The following CEP128 variants were observed in gnomAD, a reference collection of about 807,000 sequenced individuals.
CEP128 encodes centrosomal protein 128kDa.
In CEP128, 132 loss-of-function variants were observed where a neutral mutation model predicts 156.7. The observed-to-expected ratio is 0.84, with a 90% confidence interval of 0.73 to 0.97. CEP128 has a LOEUF of 0.97. Ranked by LOEUF, CEP128 falls within the 50% of genes least tolerant of loss-of-function variation. The pLI is 0.00. For missense variants in CEP128, 1,252 were observed against 1,281.9 expected, an observed-to-expected ratio of 0.98 and a Z score of 0.36; for synonymous variants, 469 against 448.9, an observed-to-expected ratio of 1.04 and a Z score of -0.57.
At chr14:80,636,560 C>G (rs1894188109) in intron 19 of CEP128, among the ~76,000 whole-genome samples, 1 of 152,162 alleles carries the variant, frequency 6.6e-6, no homozygotes, top group Admixed American at 6.5e-5. Flanking sequence ...GCAATGGCAC[C>G]ACACAGTCTT....
intron 21 of CEP128, among the ~76,000 whole-genome samples, chr14:80,540,428 C>T (rs961196619): frequency 1.3e-5 from 2 of 152,078 alleles, no homozygotes; most frequent in African/African-American, 4.8e-5. Flanking sequence ...GGGCCAAGGC[C>T]CTAAGGAGGG....
intron 19 of CEP128, among the ~76,000 whole-genome samples, chr14:80,720,563 C>G (rs1370778821): frequency 6.6e-6 from 1 of 152,122 alleles, no homozygotes; most frequent in Non-Finnish European, 1.5e-5. Context: ...ATAAAAATAT[C>G]CACATCAAAT....
At chr14:80,629,650 G>GTT (rs1893882368) in intron 19 of CEP128, among the ~76,000 whole-genome samples, 1 of 152,012 alleles carries the variant, frequency 6.6e-6, no homozygotes, top group Admixed American at 6.5e-5. Context: ...AATAAAAGGT[G>GTT]TAGTCTCTAT....
intron 20 of CEP128, among the ~76,000 whole-genome samples, chr14:80,563,681 C>T (rs1890793676): frequency 6.6e-6 from 1 of 151,784 alleles, no homozygotes; most frequent in Non-Finnish European, 1.5e-5. Context: ...CTACAAGGCG[C>T]GTGCCACCAC....
At chr14:80,940,017 T>C (rs1414991430) in intron 1 of CEP128, among the ~76,000 whole-genome samples, 2 of 152,166 alleles carry the variant, frequency 1.3e-5, no homozygotes, top group African/African-American at 4.8e-5. Context: ...AAAATGCCTT[T>C]GGTTGTAGAA....
At chr14:80,728,046 G>T (rs1403197028) in intron 19 of CEP128, among the ~76,000 whole-genome samples, 2 of 152,078 alleles carry the variant, frequency 1.3e-5, no homozygotes, top group African/African-American at 2.4e-5. Context: ...AAAGACACAT[G>T]CATACGTATG....
At chr14:80,781,121 T>C (rs1236840985) in intron 15 of CEP128, among the ~76,000 whole-genome samples, 1 of 152,186 alleles carries the variant, frequency 6.6e-6, no homozygotes, top group Admixed American at 6.5e-5. Context: ...GTCAAAAGTA[T>C]GCACAGTAAT....
At chr14:80,956,972 G>T (rs559341299) in intron 2 of CEP128, among the ~76,000 whole-genome samples, 1 of 152,264 alleles carries the variant, frequency 6.6e-6, no homozygotes, top group South Asian at 2.1e-4. Context: ...TACATAGGTT[G>T]CTTGTCACCT....
At chr14:80,845,674 T>C (rs1266292985) in intron 9 of CEP128, among the ~76,000 whole-genome samples, 2 of 152,194 alleles carry the variant, frequency 1.3e-5, no homozygotes, top group African/African-American at 2.4e-5. Flanking sequence ...TTAAAGGATG[T>C]TATTTTATGC....
At chr14:80,763,323 A>T (rs1900062589) in intron 16 of CEP128, among the ~76,000 whole-genome samples, 1 of 151,782 alleles carries the variant, frequency 6.6e-6, no homozygotes, top group Non-Finnish European at 1.5e-5. Context: ...TTCTGTCCAA[A>T]CTCTCCCTAC....
chr14:80,815,570 C>A (rs559156858), intron 13 of CEP128, among the ~76,000 whole-genome samples: 2 of 152,202 alleles, frequency 1.3e-5, no homozygotes, highest in South Asian at 4.1e-4. Context: ...TACTGAGAAT[C>A]AACATGAAAG....
intron 20 of CEP128, among the ~76,000 whole-genome samples, chr14:80,564,214 T>C (rs1251576622): frequency 6.6e-6 from 1 of 152,232 alleles, no homozygotes; most frequent in African/African-American, 2.4e-5. Context: ...TAAATTGACA[T>C]AAATATTTTT....
chr14:80,716,998 C>T (rs1897631395), intron 19 of CEP128, among the ~76,000 whole-genome samples: 1 of 152,218 alleles, frequency 6.6e-6, no homozygotes, highest in Admixed American at 6.5e-5. Context: ...TTTTCATGTG[C>T]TCATTAGCCA....
chr14:80,556,199 C>T (rs1890430413), intron 21 of CEP128, among the ~76,000 whole-genome samples: 1 of 152,122 alleles, frequency 6.6e-6, no homozygotes, highest in South Asian at 2.1e-4. Context: ...TTTACATTAA[C>T]ATTTAGTGAA....
intron 9 of CEP128, among the ~76,000 whole-genome samples, chr14:80,844,092 G>A (rs1299634800): frequency 6.6e-6 from 1 of 151,624 alleles, no homozygotes; most frequent in Non-Finnish European, 1.5e-5. Flanking sequence ...ATGAGAACTA[G>A]CTAAAGTAAT....
intron 19 of CEP128, among the ~76,000 whole-genome samples, chr14:80,648,361 C>A (rs1372869991): frequency 6.6e-6 from 1 of 152,068 alleles, no homozygotes; most frequent in Non-Finnish European, 1.5e-5. Flanking sequence ...TTGAGAAAGG[C>A]TTCATTAGTG....
At chr14:80,913,531 A>G (rs945072792) in intron 4 of CEP128, among the ~76,000 whole-genome samples, 1 of 152,228 alleles carries the variant, frequency 6.6e-6, no homozygotes, top group South Asian at 2.1e-4. Context: ...GAGGTTGGAT[A>G]GAATTGGAGG....
chr14:80,594,249 T>C (rs1021083830), intron 19 of CEP128, among the ~76,000 whole-genome samples: 2 of 152,156 alleles, frequency 1.3e-5, no homozygotes, highest in African/African-American at 4.8e-5. Context: ...TAAATGGTGT[T>C]GGGGTAACTG....
rs1167024874 is a variant in CEP128 at position 80,849,888 on chromosome 14, C to A, written c.763-9120G>T. Among the ~76,000 whole-genome samples the A allele has an allele frequency of 1.3e-5, 2 of 152,050 alleles. 1 individual carries two copies. Among genetic ancestry groups the A allele is most frequent in the South Asian group, 4.2e-4 (2 of 4,790 alleles). ...ATTAGGAGAAAGAGGTTTAGGTCTA[C>A]ATAAGATGAATATTTATAGAAAGTA... On this transcript the variant is annotated intron_variant, in intron 9 of 24. Coordinates refer to ENST00000555265, the MANE Select transcript of CEP128 (RefSeq NM_152446.5).
Sources: allele counts gnomAD v4.1 joint callset (sites outside exome capture counted in the v4.1 genomes callset), GRCh38; gene constraint gnomAD v4.1.1; transcripts MANE v1.5; gene names NCBI Gene and HGNC (gene_info 2026-07-23, HGNC 2026-07-21).